NRCAM: variants seen among roughly 807,000 people sequenced by gnomAD.
NRCAM encodes the protein neuronal cell adhesion molecule, also known as NgCAM-related cell adhesion molecule.
A neutral mutation model predicts 156.5 loss-of-function variants in NRCAM; 83 were observed. That is an observed-to-expected ratio of 0.53 (90% CI 0.44 to 0.64). The LOEUF is 0.64. Among genes scored for constraint, NRCAM ranks in the 30% least tolerant of loss-of-function variants. The pLI is 0.00. For synonymous variants in NRCAM, 538 were observed against 563.9 expected, an observed-to-expected ratio of 0.95 and a Z score of 0.65; for missense variants, 1,417 against 1,597.3, an observed-to-expected ratio of 0.89 and a Z score of 1.92.
intron 3 of NRCAM, among the ~76,000 whole-genome samples, chr7:108,301,420 C>G (rs1256585472): frequency 6.6e-6 from 1 of 152,140 alleles, no homozygotes; most frequent in Non-Finnish European, 1.5e-5. Flanking sequence ...TCTAGGACAA[C>G]AGCAACTAAT....
intron 2 of NRCAM, among the ~76,000 whole-genome samples, chr7:108,356,371 T>G (rs1429431337): frequency 6.6e-6 from 1 of 152,222 alleles, no homozygotes; most frequent in Non-Finnish European, 1.5e-5. Flanking sequence ...AATCTTACTA[T>G]AGGTATTTAT....
chr7:108,307,429 T>TC (rs2098733278), intron 3 of NRCAM, among the ~76,000 whole-genome samples: 1 of 152,188 alleles, frequency 6.6e-6, no homozygotes. Context: ...CAGGACTGGC[T>TC]CCATGCACCA....
intron 1 of NRCAM, among the ~76,000 whole-genome samples, chr7:108,442,466 C>T (rs561455713): frequency 6.6e-5 from 10 of 152,290 alleles, no homozygotes; most frequent in Admixed American, 2.6e-4. Context: ...TTTCCATTTT[C>T]CAGGCAGTAA....
chr7:108,201,797 G>A lies in NRCAM; in HGVS notation c.1208-3698C>T, dbSNP rs549047181. 8.5e-5 allele frequency among the ~76,000 whole-genome samples: 13 copies of A among 152,242 alleles called. No individual in the cohort carries two copies. In the South Asian group the frequency reaches 2.1e-3, roughly 24 times the overall value. The stretch of plus-strand genomic sequence containing the variant: ...ATCTGACTGTATCTGCCTTATATAT[G>A]CTAAATAGAGCAGTCTTCAAATATT... On this transcript the variant is annotated intron_variant, in intron 13 of 32. Transcript: ENST00000379028.
At chr7:108,395,066 T>C (rs1240549410) in intron 2 of NRCAM, among the ~76,000 whole-genome samples, 1 of 152,240 alleles carries the variant, frequency 6.6e-6, no homozygotes, top group Non-Finnish European at 1.5e-5. Flanking sequence ...AATGGTTTTA[T>C]TAGGGCATGA....
chr7:108,261,688 A>C (rs1211557680), intron 3 of NRCAM, among the ~76,000 whole-genome samples: 1 of 152,150 alleles, frequency 6.6e-6, no homozygotes, highest in African/African-American at 2.4e-5. Context: ...ACAGCTGTAG[A>C]CACCTGTTTT....
chr7:108,164,697 G>A (rs1417500998), intron 30 of NRCAM, among the ~76,000 whole-genome samples: 1 of 152,134 alleles, frequency 6.6e-6, no homozygotes, highest in African/African-American at 2.4e-5. Flanking sequence ...GTAAACTGAG[G>A]CATTCTAGAA....
chr7:108,270,354 A>C (rs2097296943), intron 3 of NRCAM, among the ~76,000 whole-genome samples: 1 of 152,228 alleles, frequency 6.6e-6, no homozygotes, highest in Admixed American at 6.5e-5. Context: ...CCCCCCTTCA[A>C]GGTTCCCTTC....
At chr7:108,382,479 T>C (rs2154360283) in intron 2 of NRCAM, among the ~76,000 whole-genome samples, 1 of 152,030 alleles carries the variant, frequency 6.6e-6, no homozygotes, top group East Asian at 1.9e-4. Context: ...TACAGTGGCA[T>C]GCACCTGTAG....
intron 30 of NRCAM, among the ~76,000 whole-genome samples, chr7:108,164,816 T>C (rs1345528309): frequency 2.6e-5 from 4 of 152,240 alleles, no homozygotes; most frequent in Admixed American, 2.0e-4. Context: ...CAAGAACTGG[T>C]TGTGACCTTG....
chr7:108,241,453 G>A (rs1020635498), intron 3 of NRCAM, among the ~76,000 whole-genome samples: 4 of 152,190 alleles, frequency 2.6e-5, no homozygotes, highest in Non-Finnish European at 5.9e-5. Context: ...TCTCAAGAAG[G>A]TGGGAGGGAT....
At chr7:108,327,026 C>G (rs1325873479) in intron 2 of NRCAM, among the ~76,000 whole-genome samples, 1 of 152,170 alleles carries the variant, frequency 6.6e-6, no homozygotes, top group Non-Finnish European at 1.5e-5. Context: ...TCCAACCAAA[C>G]AGTCTTTGAT....
At chr7:108,156,146 AG>A in intron 32 of NRCAM, 1 of 220,130 alleles carries the variant, frequency 4.5e-6, no homozygotes, top group Non-Finnish European at 7.7e-6. Context: ...TTCACATTTG[AG>A]AGCAAAATAA....
Position 108,166,996 on chromosome 7 carries a change from C to T in NRCAM, c.3391G>A (p.Ala1131Thr), listed in dbSNP as rs1267961471. The T allele has an allele frequency of 6.2e-7, 1 of 1,613,780 alleles. No individual in the cohort carries two copies. The highest frequency in any genetic ancestry group is 1.3e-5 in the African/African-American group (1 of 74,926). Residue 1131 changes from alanine (A) to threonine (T), a missense_variant, in exon 30 of 33, where the codon GCA (alanine) becomes ACA (threonine). Ala to Thr is a moderately conservative substitution (Grantham distance 58, BLOSUM62 0). This residue lies in a region of NRCAM where 179 missense variants were observed against 260.9 expected (regional missense o/e 0.69). Coordinates refer to ENST00000379028, the MANE Select transcript of NRCAM (RefSeq NM_001037132.4). ...FGLKGLMPGT[A>T]YKVRVGAVGD... ...ACAGCACCAACTCGAACTTTGTATG[C>T]TGTTCCTGGCATTAGACCCTTTAAC...
At chr7:108,173,259 T>TACA (rs1257239807) in intron 28 of NRCAM, among the ~76,000 whole-genome samples, 2 of 152,182 alleles carry the variant, frequency 1.3e-5, no homozygotes, top group East Asian at 3.8e-4. Context: ...CTGTTGGGAT[T>TACA]ACAGGTGTGA....
intron 24 of NRCAM, among the ~76,000 whole-genome samples, chr7:108,180,697 T>C (rs372319479): frequency 1.3e-5 from 2 of 152,206 alleles, no homozygotes; most frequent in Admixed American, 1.3e-4. Flanking sequence ...ACGAGACCCA[T>C]GTGGTTTTCT....
chr7:108,242,258 CAAAAAAAAAA>C (rs11413420), intron 3 of NRCAM, among the ~76,000 whole-genome samples: 1 of 98,528 alleles, frequency 1.0e-5, no homozygotes. Flanking sequence ...GACCCCGTCT[CAAAAAAAAAA>C]AAAAAAAAAA....
chr7:108,391,265 G>C (rs1199974685), intron 2 of NRCAM, among the ~76,000 whole-genome samples: 1 of 152,016 alleles, frequency 6.6e-6, no homozygotes, highest in Non-Finnish European at 1.5e-5. Context: ...TCCTGTATTG[G>C]GTGCATATAT....
intron 3 of NRCAM, among the ~76,000 whole-genome samples, chr7:108,258,638 C>T (rs904257054): frequency 6.6e-6 from 1 of 152,214 alleles, no homozygotes; most frequent in Non-Finnish European, 1.5e-5. Flanking sequence ...TTATGTTCAA[C>T]AAGCTCTGTG....
Sources: allele counts gnomAD v4.1 joint callset (sites outside exome capture counted in the v4.1 genomes callset), GRCh38; gene constraint gnomAD v4.1.1; regional missense constraint gnomAD v4.1.1; transcripts MANE v1.5; gene names NCBI Gene and HGNC (gene_info 2026-07-23, HGNC 2026-07-21).